YME1L1: variants seen among roughly 807,000 people sequenced by gnomAD.
The protein encoded by YME1L1 is YME1 like 1 ATPase.
Under a neutral mutation model 90.4 loss-of-function variants are expected in YME1L1, and 39 were observed. The observed-to-expected ratio is 0.43, with a 90% CI of 0.33 to 0.56. The LOEUF (loss-of-function observed/expected upper bound fraction) is 0.56. Among genes scored for constraint, YME1L1 ranks in the 20% least tolerant of loss-of-function variants. The pLI, the probability that YME1L1 is intolerant of heterozygous loss-of-function variation, is 0.03. For synonymous variants in YME1L1, 284 were observed against 287.3 expected (o/e 0.99, Z 0.12); for missense variants, 617 against 868.4 (o/e 0.71, Z 3.64).
intron 1 of YME1L1, among the ~76,000 whole-genome samples, chr10:27,150,764 G>A (rs1045455732): frequency 1.3e-5 from 2 of 152,122 alleles, no homozygotes; most frequent in African/African-American, 4.8e-5. Flanking sequence ...GAAAACTTAT[G>A]AATAATCACA....
At chr10:27,113,604 G>C (rs183324321) in intron 18 of YME1L1, among the ~76,000 whole-genome samples, 1 of 150,802 alleles carries the variant, frequency 6.6e-6, no homozygotes, top group African/African-American at 2.4e-5. Flanking sequence ...CCCAGAAGGC[G>C]GAAGTTGCAA....
intron 17 of YME1L1, 97 bp from the exon 18 acceptor site, chr10:27,114,704 T>C (rs1384769078): frequency 3.1e-5 from 26 of 826,572 alleles, no homozygotes; most frequent in Non-Finnish European, 3.8e-5. Flanking sequence ...GAAACAAATA[T>C]ATGGGGGACA....
At chr10:27,144,923 C>T (rs1002574236) in intron 3 of YME1L1, among the ~76,000 whole-genome samples, 3 of 152,052 alleles carry the variant, frequency 2.0e-5, no homozygotes, top group Admixed American at 6.6e-5. Context: ...GGGTGGATCA[C>T]GAGGTCAGGA....
chr10:27,148,277 A>C (rs1378302181), intron 2 of YME1L1, among the ~76,000 whole-genome samples: 1 of 152,070 alleles, frequency 6.6e-6, no homozygotes, highest in Non-Finnish European at 1.5e-5. Context: ...ATCTTGGCTC[A>C]CAGCGACCTC....
chr10:27,144,898 T>C (rs532861882), intron 3 of YME1L1, among the ~76,000 whole-genome samples: 85 of 152,152 alleles, frequency 5.6e-4, no homozygotes, highest in African/African-American at 1.9e-3. Flanking sequence ...TCCCAGCACT[T>C]TGGGAGGCTG....
intron 4 of YME1L1, among the ~76,000 whole-genome samples, chr10:27,142,061 C>CAT (rs34801950): frequency 0.099 from 15,004 of 150,994 alleles, 2,413 homozygotes; most frequent in African/African-American, 0.34. Context: ...CTTTTTTTCT[C>CAT]ATATATATAT....
At chr10:27,123,498 C>A in intron 10 of YME1L1, 49 bp downstream of exon 10, 1 of 1,581,728 alleles carries the variant, frequency 6.3e-7, no homozygotes, top group Non-Finnish European at 8.6e-7. Flanking sequence ...AAGATACACA[C>A]TTCCCTTAAC....
rs1288952230 is a variant in YME1L1 at position 27,154,193 on chromosome 10, G to A, written c.18C>T (p.Ser6=). 1 of 1,591,834 alleles carries A rather than the reference G, an allele frequency of 6.3e-7. No individual in the cohort carries two copies. The highest frequency in any genetic ancestry group is 1.1e-5 in the South Asian group (1 of 87,832). MFSLS[S]TVQPQVTVPL... is the part of the protein sequence containing the mutation. Reference sequence around the variant, plus strand: ...CCTGGCTTACCTGGGGTTGCACCGTGCTCGACAAGGAAAACATCTCCGGCG... The same window carrying A: ...CCTGGCTTACCTGGGGTTGCACCGTACTCGACAAGGAAAACATCTCCGGCG... Residue 6 remains serine, a synonymous_variant, in exon 1 of 19, where the codon AGC becomes AGT. Transcript: ENST00000376016.
At chr10:27,112,208 C>A (rs1157601296) in intron 18 of YME1L1, 88 bp from the exon 19 acceptor site, 29 of 1,182,064 alleles carry the variant, frequency 2.5e-5, no homozygotes, top group African/African-American at 3.1e-5. Context: ...ACTTTATGTA[C>A]CCTAAAAAAT....
At position 27,152,027 on chromosome 10, in the gene YME1L1, C is replaced by CA. The variant is rs1393866109; in HGVS notation, c.33+2150dup. ...TTATTTATACTTTCAGCATTTTTAG[C>CA]AAAAAAACATGGATTTGTTTTAAGG... On this transcript the variant is annotated intron_variant, in intron 1 of 18. Transcript: ENST00000376016. 8.5e-4 allele frequency among the ~76,000 whole-genome samples: 128 copies of CA among 151,272 alleles called. 2 individuals are homozygous for CA. Among genetic ancestry groups the CA allele is most frequent in the East Asian group, 1.9e-3 (10 of 5,152 alleles).
intron 17 of YME1L1, among the ~76,000 whole-genome samples, chr10:27,115,247 C>T (rs1193268849): frequency 1.3e-5 from 2 of 151,890 alleles, no homozygotes; most frequent in East Asian, 1.9e-4. Flanking sequence ...AGCAAGACTC[C>T]GTCTCAAAAA....
chr10:27,149,102 T>C, intron 1 of YME1L1, 62 bp from the exon 2 acceptor site: 1 of 1,401,596 alleles, frequency 7.1e-7, no homozygotes. Context: ...AACAATCTCC[T>C]TTTTTTGTCA....
Position 27,110,166 on chromosome 10 carries a change from AAATT to A in YME1L1, c.*1807_*1810del, listed in dbSNP as rs2056745092. Reference sequence around the variant, plus strand: ...ATTATACCTCAACAAATATGTAAAAAAATTTAAGACAGATAAGACTTTATCAATA... The same window carrying A: ...ATTATACCTCAACAAATATGTAAAAATAAGACAGATAAGACTTTATCAATA... On this transcript the variant is annotated 3_prime_UTR_variant, in exon 19 of 19. Transcript: ENST00000376016. The A allele has an allele frequency of 6.6e-6, 1 of 152,226 alleles. No individual in the cohort carries two copies. 9.4% of individuals were successfully genotyped at this position (152,226 alleles called of 1,614,324 possible). A position where few individuals can be genotyped will look rare whatever the true frequency, so the allele number is the denominator to read the frequency against.
At chr10:27,150,857 T>C (rs1232009929) in intron 1 of YME1L1, among the ~76,000 whole-genome samples, 5 of 151,578 alleles carry the variant, frequency 3.3e-5, no homozygotes, top group Non-Finnish European at 7.4e-5. Context: ...GCCTATGGAG[T>C]ACCCCATTCT....
chr10:27,154,147 G>A (rs777545987), intron 1 of YME1L1, 31 bp downstream of exon 1: 2 of 1,575,108 alleles, frequency 1.3e-6, no homozygotes, highest in Non-Finnish European at 1.7e-6. Flanking sequence ...CAGGGCGGGA[G>A]GAAAAAAAAT....
At chr10:27,128,154 T>C (rs1419905961) in intron 8 of YME1L1, among the ~76,000 whole-genome samples, 2 of 152,116 alleles carry the variant, frequency 1.3e-5, no homozygotes, top group Non-Finnish European at 2.9e-5. Flanking sequence ...TTTTTAAGGC[T>C]ATATATATAA....
intron 14 of YME1L1, 23 bp downstream of exon 14, chr10:27,119,271 G>GA (rs1488675026): frequency 1.0e-5 from 16 of 1,572,576 alleles, no homozygotes; most frequent in East Asian, 2.3e-5. Context: ...GTAAAAGACA[G>GA]AAAAAAAAGA....
chr10:27,128,247 AG>A (rs1339311055), intron 8 of YME1L1, among the ~76,000 whole-genome samples: 1 of 152,226 alleles, frequency 6.6e-6, no homozygotes, highest in African/African-American at 2.4e-5. Flanking sequence ...CATTTGTCAC[AG>A]GAACTACCTA....
At chr10:27,119,147 T>C (rs2056841375) in intron 14 of YME1L1, 147 bp downstream of exon 14, 1 of 768,106 alleles carries the variant, frequency 1.3e-6, no homozygotes. Context: ...TTATTACAAA[T>C]CTTGAAAACC....
Sources: allele counts gnomAD v4.1 joint callset (sites outside exome capture counted in the v4.1 genomes callset), GRCh38; gene constraint gnomAD v4.1.1; transcripts MANE v1.5; gene names NCBI Gene and HGNC (gene_info 2026-07-23, HGNC 2026-07-21).